Variants in RIC3 observed in about 807,000 individuals in gnomAD.
RIC3 encodes RIC3 acetylcholine receptor chaperone, also known as protein RIC-3.
RIC3 carries 28 observed loss-of-function variants against 27.3 expected under a neutral mutation model. The observed-to-expected ratio is 1.02, with a 90% CI of 0.76 to 1.41. The LOEUF (loss-of-function observed/expected upper bound fraction) is 1.41. Among genes scored for constraint, RIC3 ranks in the 40% most tolerant of loss-of-function variants. The probability of loss-of-function intolerance (pLI) is 0.00; values close to 1 mark genes in which losing one functional copy is unlikely to be tolerated. For missense variants in RIC3, 501 were observed against 444.7 expected (o/e 1.13, Z -1.14); for synonymous variants, 184 against 160.4 (o/e 1.15, Z -1.11).
rs374562141 is a variant in RIC3, at chr11:8,122,466, T to C, written c.670+4193A>G. Among the ~76,000 whole-genome samples the C allele has an allele frequency of 8.5e-5, 13 of 152,324 alleles. No individual in the cohort carries two copies. In the South Asian group the frequency reaches 1.7e-3, roughly 19 times the overall value. On this transcript the variant is annotated intron_variant, in intron 5 of 5. Transcript: ENST00000309737. ...GTATACCACAGTGTGTATATATATA[T>C]GTACCACAGTTTATTCACCTCCTAA...
At chr11:8,101,337 C>A, downstream of RIC3, 2 of 1,053,874 alleles carry the variant, frequency 1.9e-6, no homozygotes, top group African/African-American at 1.6e-5. Context: ...TCCCAATTGG[C>A]CTTTGTTTTA....
the RIC3 span, among the ~76,000 whole-genome samples, chr11:8,099,968 G>C: frequency 6.6e-6 from 1 of 152,208 alleles, no homozygotes; most frequent in Non-Finnish European, 1.5e-5. Context: ...AACTTGGAGT[G>C]AGCTGGAGAG....
At chr11:8,124,158 A>T (rs981847590) in intron 5 of RIC3, among the ~76,000 whole-genome samples, 9 of 152,138 alleles carry the variant, frequency 5.9e-5, no homozygotes, top group African/African-American at 1.9e-4. Flanking sequence ...GACCAAGATA[A>T]TATCACTGGA....
chr11:8,118,233 A>G (rs922127795), intron 5 of RIC3, among the ~76,000 whole-genome samples: 1 of 151,302 alleles, frequency 6.6e-6, no homozygotes, highest in African/African-American at 2.4e-5. Flanking sequence ...TCAAAAAAAA[A>G]AAAAAAAAAA....
chr11:8,146,392 C>G (rs61283100), intron 1 of RIC3, among the ~76,000 whole-genome samples: 3,451 of 152,136 alleles, frequency 0.023, 123 homozygotes, highest in African/African-American at 0.079. Flanking sequence ...AGAGTAGGTG[C>G]ATATGAATAG....
intron 5 of RIC3, among the ~76,000 whole-genome samples, chr11:8,114,036 AC>A (rs1018880498): frequency 3.3e-5 from 5 of 151,684 alleles, no homozygotes; most frequent in Non-Finnish European, 5.9e-5. Context: ...TTCAACCCCA[AC>A]CCCACGGACT....
intron 4 of RIC3, among the ~76,000 whole-genome samples, chr11:8,127,541 G>A (rs935898112): frequency 2.0e-5 from 3 of 152,176 alleles, no homozygotes; most frequent in Non-Finnish European, 4.4e-5. Context: ...TACTTGTGTG[G>A]TTCTGGCAAA....
At chr11:8,093,740 G>A in the RIC3 span, among the ~76,000 whole-genome samples, 1 of 152,204 alleles carries the variant, frequency 6.6e-6, no homozygotes. Context: ...TTCAGGCTCA[G>A]TATGGTTTGG....
chr11:8,155,555 GA>G (rs1450514625), intron 1 of RIC3, among the ~76,000 whole-genome samples: 1 of 152,096 alleles, frequency 6.6e-6, no homozygotes, highest in East Asian at 1.9e-4. Flanking sequence ...CAGCGTAGGT[GA>G]CAGTGAGACT....
rs778537116 is a variant in RIC3, at chr11:8,109,796, A to G, written c.*902T>C. 1 of 152,140 alleles carries G rather than the reference A, an allele frequency of 6.6e-6. No homozygotes were observed. Among genetic ancestry groups the G allele is most frequent in the African/African-American group, 2.4e-5 (1 of 41,430 alleles). 9.4% of individuals were successfully genotyped at this position (152,140 alleles called of 1,614,324 possible). On this transcript the variant is annotated 3_prime_UTR_variant, in exon 6 of 6. Transcript: ENST00000309737. ...CTGAGCTCCTCATGGCAGGAGCAGAATTCACAATCTTGAGCCCTCTTATAG... is the reference window on the plus strand; with the variant it reads ...CTGAGCTCCTCATGGCAGGAGCAGAGTTCACAATCTTGAGCCCTCTTATAG...
At chr11:8,097,959 A>G in the RIC3 span, 1 of 693,364 alleles carries the variant, frequency 1.4e-6, no homozygotes, top group Non-Finnish European at 2.4e-6. Context: ...CTCTCTGATA[A>G]TCACATCCAA....
chr11:8,159,124 C>T (rs531013237), intron 1 of RIC3, among the ~76,000 whole-genome samples: 7 of 151,098 alleles, frequency 4.6e-5, no homozygotes, highest in African/African-American at 1.2e-4. Flanking sequence ...GGGGTAGGAC[C>T]GTGTTGGAAG....
At chr11:8,123,143 T>C (rs1406103210) in intron 5 of RIC3, among the ~76,000 whole-genome samples, 1 of 151,006 alleles carries the variant, frequency 6.6e-6, no homozygotes, top group Admixed American at 6.6e-5. Flanking sequence ...AAGACATCAA[T>C]AAACCTGAAG....
chr11:8,124,897 T>C (rs1946832761), intron 5 of RIC3, among the ~76,000 whole-genome samples: 1 of 152,126 alleles, frequency 6.6e-6, no homozygotes, highest in African/African-American at 2.4e-5. Context: ...GCTAAAACTG[T>C]AGAATTTCTA....
At chr11:8,101,815 C>T (rs543427931), downstream of RIC3, 30 of 680,972 alleles carry the variant, frequency 4.4e-5, no homozygotes, top group African/African-American at 2.4e-4. Flanking sequence ...TAGTGGAGAG[C>T]GGGTGGGTGG....
chr11:8,098,632 C>G, the RIC3 span: 1 of 689,882 alleles, frequency 1.4e-6, no homozygotes, highest in African/African-American at 1.8e-5. Context: ...AGCAGTATGC[C>G]TCCCTGGGCC....
chr11:8,157,818 G>C (rs1950802886), intron 1 of RIC3, among the ~76,000 whole-genome samples: 1 of 152,100 alleles, frequency 6.6e-6, no homozygotes, highest in African/African-American at 2.4e-5. Context: ...GACTGATCAA[G>C]CAAGGTATTC....
At chr11:8,115,171 CAGAG>C (rs750490120) in intron 5 of RIC3, among the ~76,000 whole-genome samples, 8 of 151,900 alleles carry the variant, frequency 5.3e-5, no homozygotes, top group African/African-American at 7.3e-5. Flanking sequence ...AAATCAAAGA[CAGAG>C]AGGATGCTGG....
intron 4 of RIC3, among the ~76,000 whole-genome samples, chr11:8,131,708 C>A (rs11820443): frequency 0.017 from 2,556 of 151,932 alleles, 74 homozygotes; most frequent in African/African-American, 0.058. Context: ...CGAGTCAAGC[C>A]TGGCCAACAT....
Sources: allele counts gnomAD v4.1 joint callset (sites outside exome capture counted in the v4.1 genomes callset), GRCh38; gene constraint gnomAD v4.1.1; transcripts MANE v1.5; gene names NCBI Gene and HGNC (gene_info 2026-07-23, HGNC 2026-07-21).